The following SH2D4A variants were observed in gnomAD, a reference collection of about 807,000 sequenced individuals.
The protein encoded by SH2D4A is SH2 domain-containing protein 4A.
SH2D4A carries 70 observed loss-of-function variants against 64.7 expected under a neutral mutation model. The ratio of observed to expected loss-of-function variants is 1.08; its 90% CI spans 0.89 to 1.32. SH2D4A has a LOEUF of 1.32. Among genes scored for constraint, SH2D4A ranks in the 40% most tolerant of loss-of-function variants. SH2D4A has a pLI of 0.00. For missense variants in SH2D4A, 706 were observed against 540.1 expected (o/e 1.31, Z -3.04); for synonymous variants, 268 against 200.7 (o/e 1.34, Z -2.83).
chr8:19,377,874 C>CA (rs1429952583), intron 8 of SH2D4A, among the ~76,000 whole-genome samples: 1 of 152,114 alleles, frequency 6.6e-6, no homozygotes, highest in Admixed American at 6.6e-5. Flanking sequence ...TCTTTAGTTA[C>CA]ACTGCATATT....
intron 8 of SH2D4A, among the ~76,000 whole-genome samples, chr8:19,390,258 G>T (rs1410781408): frequency 2.6e-5 from 4 of 152,148 alleles, no homozygotes; most frequent in South Asian, 4.1e-4. Flanking sequence ...GTGGGCTCCT[G>T]TAATCCCAGC....
intron 7 of SH2D4A, among the ~76,000 whole-genome samples, chr8:19,370,595 C>A (rs2053078701): frequency 6.6e-6 from 1 of 151,876 alleles, no homozygotes; most frequent in South Asian, 2.1e-4. Context: ...ATGTTTTTTC[C>A]CCATTCTTTC....
rs181963090 is a variant in SH2D4A, at chr8:19,349,822, G to A, written c.514-7381G>A. Among the ~76,000 whole-genome samples the A allele has an allele frequency of 6.6e-5, 10 of 152,290 alleles. No homozygotes were observed. In the East Asian group the frequency reaches 1.5e-3, roughly 24 times the overall value. On this transcript the variant is annotated intron_variant, in intron 4 of 9. Coordinates refer to ENST00000265807, the MANE Select transcript of SH2D4A (RefSeq NM_022071.4). ...GTGTTCAAGTGATTCTCCTGCCTCA[G>A]CCTCCTGAGTAGCTGGGATTACAGG...
intron 7 of SH2D4A, among the ~76,000 whole-genome samples, chr8:19,366,412 T>C (rs960020489): frequency 6.6e-6 from 1 of 152,172 alleles, no homozygotes; most frequent in African/African-American, 2.4e-5. Flanking sequence ...TTCTGCTGTC[T>C]CACTGTAACT....
At chr8:19,349,245 C>T (rs947252982) in intron 4 of SH2D4A, among the ~76,000 whole-genome samples, 4 of 152,194 alleles carry the variant, frequency 2.6e-5, no homozygotes, top group Non-Finnish European at 5.9e-5. Flanking sequence ...GAGGGCTACA[C>T]AACTACCCAA....
intron 8 of SH2D4A, among the ~76,000 whole-genome samples, chr8:19,392,910 T>C (rs2053516794): frequency 6.6e-6 from 1 of 151,906 alleles, no homozygotes; most frequent in Non-Finnish European, 1.5e-5. Flanking sequence ...CCCGGCTAAT[T>C]TTTTGTATTT....
At chr8:19,314,779 C>G (rs539092535) in intron 1 of SH2D4A, among the ~76,000 whole-genome samples, 2 of 152,328 alleles carry the variant, frequency 1.3e-5, no homozygotes, top group South Asian at 4.1e-4. Flanking sequence ...GTGGAATTCT[C>G]TATGTATACT....
intron 7 of SH2D4A, among the ~76,000 whole-genome samples, chr8:19,371,528 TATA>T (rs2053095796): frequency 6.6e-6 from 1 of 152,304 alleles, no homozygotes; most frequent in African/African-American, 2.4e-5. Context: ...AGGGTTTGAT[TATA>T]ATATGTCTTG....
intron 3 of SH2D4A, among the ~76,000 whole-genome samples, chr8:19,333,999 G>A (rs531882263): frequency 6.6e-6 from 1 of 152,286 alleles, no homozygotes; most frequent in Admixed American, 6.5e-5. Flanking sequence ...GGACGGTGAG[G>A]TTTTTCAATA....
chr8:19,366,980 C>T (rs554301494), intron 7 of SH2D4A, among the ~76,000 whole-genome samples: 16 of 152,018 alleles, frequency 1.1e-4, no homozygotes, highest in South Asian at 4.1e-4. Context: ...AACTTCATAC[C>T]GTTGTTTATG....
chr8:19,370,593 T>TC (rs1296021652), intron 7 of SH2D4A, among the ~76,000 whole-genome samples: 1 of 152,116 alleles, frequency 6.6e-6, no homozygotes, highest in Admixed American at 6.6e-5. Context: ...CAATGTTTTT[T>TC]CCCCATTCTT....
At position 19,357,177 on chromosome 8, in the gene SH2D4A, A is replaced by G. The variant is rs202131447; in HGVS notation, c.514-26A>G. The G allele has an allele frequency of 8.1e-4, 1,279 of 1,570,616 alleles. 8 individuals are homozygous for G. The highest frequency in any genetic ancestry group is 6.7e-4 in the Middle Eastern group (4 of 5,970). On this transcript the variant is annotated intron_variant, in intron 4 of 9. Coordinates refer to ENST00000265807, the MANE Select transcript of SH2D4A (RefSeq NM_022071.4). ...AAACTGCACTGCAGCTCCAAATGCC[A>G]TAAATGTGTTTCGTTTAATTTTTAG...
intron 7 of SH2D4A, among the ~76,000 whole-genome samples, chr8:19,368,551 TC>T (rs1309273867): frequency 6.6e-6 from 1 of 152,078 alleles, no homozygotes; most frequent in Non-Finnish European, 1.5e-5. Flanking sequence ...TAAAGACATT[TC>T]ACCTCCTTGG....
chr8:19,344,776 T>C (rs1462119259), intron 4 of SH2D4A, among the ~76,000 whole-genome samples: 1 of 9,392 alleles, frequency 1.1e-4, no homozygotes, highest in East Asian at 2.9e-3. Context: ...AGATTTCAGC[T>C]TTTTTTTCCC....
At chr8:19,369,508 G>A (rs778670173) in intron 7 of SH2D4A, among the ~76,000 whole-genome samples, 2 of 151,984 alleles carry the variant, frequency 1.3e-5, no homozygotes, top group Non-Finnish European at 1.5e-5. Context: ...ATTCAGTCTC[G>A]TTAGTCATTA....
rs140559216 is a variant in SH2D4A at position 19,317,642 on chromosome 8, G to A, written c.-204-1702G>A. Among the ~76,000 whole-genome samples, 686 of 152,262 alleles carry A rather than the reference G, an allele frequency of 4.5e-3. 1 individual carries two copies. Among genetic ancestry groups the A allele is most frequent in the Admixed American group, 6.9e-3 (106 of 15,290 alleles). ...TGTAAATCAAGGAACTACTTTGCAC[G>A]GAAGAGGAGGAAGACGGGAAGCTGA... On this transcript the variant is annotated intron_variant, in intron 1 of 9. Coordinates refer to ENST00000265807, the MANE Select transcript of SH2D4A (RefSeq NM_022071.4).
intron 4 of SH2D4A, among the ~76,000 whole-genome samples, chr8:19,351,269 T>A (rs2052699912): frequency 6.6e-6 from 1 of 152,194 alleles, no homozygotes; most frequent in African/African-American, 2.4e-5. Context: ...AGACCACTGA[T>A]TCTCAGAGTA....
Position 19,313,832 on chromosome 8 carries a change from TG to T in SH2D4A, c.-205+14del. The T allele has an allele frequency of 6.7e-7, 1 of 1,482,580 alleles. No individual in the cohort carries two copies. 91.8% of individuals were successfully genotyped at this position (1,482,580 alleles called of 1,614,324 possible). A position where few individuals can be genotyped will look rare whatever the true frequency, so the allele number is the denominator to read the frequency against. On this transcript the variant is annotated intron_variant, in intron 1 of 9. Coordinates refer to ENST00000265807, the MANE Select transcript of SH2D4A (RefSeq NM_022071.4). ...AGGGGCGCCCAGCACTGGTAGGTGC[TG>T]GGGGTGGGGCGAGGCTTTGGGGAGA...
intron 2 of SH2D4A, among the ~76,000 whole-genome samples, chr8:19,329,601 C>T (rs1036997130): frequency 1.8e-4 from 28 of 152,198 alleles, no homozygotes; most frequent in African/African-American, 6.0e-4. Flanking sequence ...ACCCAAATCT[C>T]ATCTTGAATT....
Sources: gnomAD v4.1 joint callset for allele counts (sites outside exome capture counted in the v4.1 genomes callset) on GRCh38, gnomAD v4.1.1 for gene constraint, MANE v1.5 for transcripts, NCBI Gene and HGNC (gene_info 2026-07-23, HGNC 2026-07-21) for gene names.